Variants in TRAM1 observed in about 807,000 individuals in gnomAD.
The protein encoded by TRAM1 is translocation associated membrane protein 1.
TRAM1 carries 17 observed loss-of-function variants against 48.7 expected under a neutral mutation model. The observed-to-expected ratio is 0.35, with a 90% confidence interval of 0.24 to 0.52. The LOEUF (loss-of-function observed/expected upper bound fraction) is 0.52. Among genes scored for constraint, TRAM1 ranks in the 20% least tolerant of loss-of-function variants. The pLI, the probability that TRAM1 is intolerant of heterozygous loss-of-function variation, is 0.94. For synonymous variants in TRAM1, 182 were observed against 154.0 expected (o/e 1.18, Z -1.34); for missense variants, 351 against 441.5 (o/e 0.79, Z 1.84).
chr8:70,597,185 C>T (rs1233485674), intron 4 of TRAM1, among the ~76,000 whole-genome samples: 1 of 152,164 alleles, frequency 6.6e-6, no homozygotes, highest in African/African-American at 2.4e-5. Context: ...AAAGCAAATA[C>T]TGCCTTTCTT....
chr8:70,607,789 T>C (rs268602), intron 1 of TRAM1: 1 of 231,848 alleles, frequency 4.3e-6, no homozygotes, highest in East Asian at 8.3e-5. Context: ...CCGCGCAGCC[T>C]GCGGGAGGGG....
chr8:70,577,882 C>T (rs1816992190), intron 10 of TRAM1, among the ~76,000 whole-genome samples: 1 of 152,272 alleles, frequency 6.6e-6, no homozygotes, highest in South Asian at 2.1e-4. Context: ...AAGCCGCATG[C>T]AGTACATCTG....
intron 10 of TRAM1, 120 bp downstream of exon 10, chr8:70,583,044 T>G: frequency 8.6e-7 from 1 of 1,162,210 alleles, no homozygotes; most frequent in Non-Finnish European, 1.2e-6. Flanking sequence ...CTAATTTTGT[T>G]GAAAAGCAGA....
At chr8:70,594,681 T>TC in intron 5 of TRAM1, 91 bp from the exon 6 acceptor site, 1 of 975,992 alleles carries the variant, frequency 1.0e-6, no homozygotes, top group South Asian at 1.8e-5. Context: ...ATATACTAAG[T>TC]AACTACCTTT....
In TRAM1 at chr8:70,596,337, T is replaced by G; in HGVS notation, c.427-16A>C. 6.3e-7 allele frequency: 1 copy of G among 1,579,176 alleles called. No homozygotes were observed. The highest frequency in any genetic ancestry group is 8.6e-7 in the Non-Finnish European group (1 of 1,163,450). On this transcript the variant is annotated splice_polypyrimidine_tract_variant and intron_variant, in intron 4 of 10. Coordinates refer to ENST00000262213, the MANE Select transcript of TRAM1 (RefSeq NM_014294.6). ...TGTAGTTTTCCTAAGAAAGAAGATA[T>G]AAAAATTAACCTGTGAGCATAATGC...
chr8:70,584,375 G>A (rs928318004), intron 8 of TRAM1, among the ~76,000 whole-genome samples: 2 of 152,214 alleles, frequency 1.3e-5, no homozygotes, highest in Non-Finnish European at 2.9e-5. Context: ...TTTGGCACAA[G>A]ACAGGGATGG....
chr8:70,606,686 C>A (rs73294783), intron 1 of TRAM1, among the ~76,000 whole-genome samples: 17,379 of 151,980 alleles, frequency 0.11, 1,162 homozygotes, highest in African/African-American at 0.18. Context: ...TTCTACCTAC[C>A]CTTTAACTAT....
intron 8 of TRAM1, among the ~76,000 whole-genome samples, chr8:70,586,398 T>C (rs1378112721): frequency 6.6e-6 from 1 of 151,844 alleles, no homozygotes; most frequent in Non-Finnish European, 1.5e-5. Context: ...ATTGTGCACA[T>C]GTACCCTAAA....
Position 70,574,233 on chromosome 8 carries a change from C to T in TRAM1, c.*699G>A. On this transcript the variant is annotated 3_prime_UTR_variant, in exon 11 of 11. Coordinates refer to ENST00000262213, the MANE Select transcript of TRAM1 (RefSeq NM_014294.6). ...TAAATATTTTCTGATTTCCAGTTTA[C>T]AAGTATTGAAAATGCACAAGAAAGA... is the stretch of plus-strand genomic sequence containing the variant. 4.9e-6 allele frequency: 2 copies of T among 410,994 alleles called. No individual in the cohort carries two copies. Among genetic ancestry groups the T allele is most frequent in the South Asian group, 3.6e-5 (2 of 55,196 alleles). The allele number at this position is 410,994 out of a possible 1,614,324, so 25.5% of individuals were successfully genotyped here. A position where few individuals can be genotyped will look rare whatever the true frequency, so the allele number is the denominator to read the frequency against.
chr8:70,597,200 T>C (rs1387102859), intron 4 of TRAM1, among the ~76,000 whole-genome samples: 1 of 152,232 alleles, frequency 6.6e-6, no homozygotes, highest in African/African-American at 2.4e-5. Context: ...TTTCTTTTTC[T>C]CATTAGTTAG....
chr8:70,597,847 T>C (rs1156736198), intron 4 of TRAM1, 48 bp downstream of exon 4: 2 of 1,388,950 alleles, frequency 1.4e-6, no homozygotes, highest in Admixed American at 3.9e-5. Context: ...GCAGAGTTTC[T>C]AATCTTAGAT....
In TRAM1 at chr8:70,608,278, T is replaced by C; in HGVS notation, c.-79A>G. On this transcript the variant is annotated 5_prime_UTR_variant, in exon 1 of 11. Coordinates refer to ENST00000262213, the MANE Select transcript of TRAM1 (RefSeq NM_014294.6). ...AGCTGCTCACCGACTCGCCGCCGCCTCCCGCTGGCTGCTCCTCACGGCCCC... is the reference window on the plus strand; with the variant it reads ...AGCTGCTCACCGACTCGCCGCCGCCCCCCGCTGGCTGCTCCTCACGGCCCC... The C allele has an allele frequency of 6.8e-7, 1 of 1,464,550 alleles. No individual in the cohort carries two copies. Among genetic ancestry groups the C allele is most frequent in the Non-Finnish European group, 9.0e-7 (1 of 1,109,186 alleles). The allele number at this position is 1,464,550 out of a possible 1,614,324, so 90.7% of individuals were successfully genotyped here.
At position 70,583,215 on chromosome 8, in the gene TRAM1, C is replaced by A; in HGVS notation, c.1000G>T (p.Val334Leu). 1 of 1,613,978 alleles carries A rather than the reference C, an allele frequency of 6.2e-7. No homozygotes were observed. Among genetic ancestry groups the A allele is most frequent in the South Asian group, 1.1e-5 (1 of 91,070 alleles). The change falls in exon 10 of 11, where the codon GTG (valine) becomes TTG (leucine). Residue 334 changes from valine (V) to leucine (L), a missense_variant. Transcript: ENST00000262213. ...REHSAFQAPA[V>L]KKKPTVTKGR... ...TTAGTTACTGTTGGTTTCTTCTTCA[C>A]AGCTGGTGCCTGAAAAGCAGAATGT... is the stretch of plus-strand genomic sequence containing the variant.
intron 6 of TRAM1, among the ~76,000 whole-genome samples, chr8:70,588,125 G>A (rs1817266297): frequency 6.6e-6 from 1 of 152,082 alleles, no homozygotes; most frequent in Admixed American, 6.6e-5. Flanking sequence ...GACACAGGAG[G>A]AGCATCACTT....
At chr8:70,599,111 A>T (rs1817550590) in intron 2 of TRAM1, among the ~76,000 whole-genome samples, 1 of 152,130 alleles carries the variant, frequency 6.6e-6, no homozygotes, top group Non-Finnish European at 1.5e-5. Context: ...TTGAAAAATT[A>T]GCTGGGCGTG....
intron 10 of TRAM1, among the ~76,000 whole-genome samples, chr8:70,575,538 T>C (rs1046097110): frequency 9.9e-5 from 15 of 152,068 alleles, no homozygotes; most frequent in African/African-American, 3.6e-4. Context: ...CCCGGGGACC[T>C]CAGCCTCCCA....
At chr8:70,595,792 T>A (rs1190358922) in intron 5 of TRAM1, among the ~76,000 whole-genome samples, 2 of 152,182 alleles carry the variant, frequency 1.3e-5, no homozygotes, top group African/African-American at 2.4e-5. Flanking sequence ...AATGAATTAT[T>A]CAGACGTCTT....
intron 10 of TRAM1, among the ~76,000 whole-genome samples, chr8:70,575,922 C>T (rs1208376619): frequency 1.3e-5 from 2 of 151,642 alleles, no homozygotes; most frequent in Admixed American, 6.6e-5. Flanking sequence ...ACTAAAAATA[C>T]AAAAATTAGC....
At chr8:70,576,370 T>C (rs897749638) in intron 10 of TRAM1, among the ~76,000 whole-genome samples, 1 of 152,062 alleles carries the variant, frequency 6.6e-6, no homozygotes, top group Non-Finnish European at 1.5e-5. Flanking sequence ...GAAGGAAAGA[T>C]AAAAGGCTTA....
Sources: gnomAD v4.1 joint callset for allele counts (sites outside exome capture counted in the v4.1 genomes callset) on GRCh38, gnomAD v4.1.1 for gene constraint, MANE v1.5 for transcripts, NCBI Gene and HGNC (gene_info 2026-07-23, HGNC 2026-07-21) for gene names.